The following CMIP variants were observed in gnomAD, a reference collection of about 807,000 sequenced individuals.
The protein encoded by CMIP is C-Maf-inducing protein.
In CMIP, 13 loss-of-function variants were observed where a neutral mutation model predicts 97.3. The observed-to-expected ratio is 0.13, with a 90% CI of 0.09 to 0.21. The LOEUF (loss-of-function observed/expected upper bound fraction) is 0.21. Ranked by LOEUF, CMIP falls within the 10% of genes least tolerant of loss-of-function variation. The pLI is 1.00. For synonymous variants in CMIP, 538 were observed against 436.3 expected, an observed-to-expected ratio of 1.23 and a Z score of -2.91; for missense variants, 847 against 1,024.9, an observed-to-expected ratio of 0.83 and a Z score of 2.37.
At chr16:81,592,975 C>G (rs917613268) in intron 1 of CMIP, among the ~76,000 whole-genome samples, 1 of 152,256 alleles carries the variant, frequency 6.6e-6, no homozygotes, top group African/African-American at 2.4e-5. Flanking sequence ...GGCACAGATG[C>G]CAAGGGCTGC....
intron 1 of CMIP, among the ~76,000 whole-genome samples, chr16:81,517,070 C>G (rs2089929676): frequency 6.6e-6 from 1 of 151,616 alleles, no homozygotes; most frequent in Non-Finnish European, 1.5e-5. Flanking sequence ...ACTGAAAAGC[C>G]AGACAGCCTT....
intron 1 of CMIP, among the ~76,000 whole-genome samples, chr16:81,459,038 A>G (rs9746731): frequency 0.59 from 88,069 of 149,524 alleles, 26,053 homozygotes; most frequent in East Asian, 0.74. Context: ...CACCATCACC[A>G]TCACCATCAC....
At chr16:81,541,802 G>A (rs1014536827) in intron 1 of CMIP, among the ~76,000 whole-genome samples, 4 of 152,156 alleles carry the variant, frequency 2.6e-5, no homozygotes, top group African/African-American at 9.7e-5. Flanking sequence ...TTGTCAATCA[G>A]GCATCAGGCA....
chr16:81,614,239 G>C lies in CMIP; in HGVS notation c.426+6547G>C, dbSNP rs895473262. On this transcript the variant is annotated intron_variant, in intron 2 of 20. Coordinates refer to ENST00000537098, the MANE Select transcript of CMIP (RefSeq NM_198390.3). This position sits in a 1 kb window ranked among gnomAD's most constrained non-coding sequence, Gnocchi z 5.3. ...CTGCATGGAAGCCAGTCTGAGAGCA[G>C]GGCAGGCCAGGTGCTGCCACAGTCA... is the stretch of plus-strand genomic sequence containing the variant. 1.3e-5 allele frequency among the ~76,000 whole-genome samples: 2 copies of C among 152,224 alleles called. No homozygotes were observed. Among genetic ancestry groups the C allele is most frequent in the Admixed American group, 1.3e-4 (2 of 15,288 alleles).
At chr16:81,489,268 G>A (rs1399441212) in intron 1 of CMIP, among the ~76,000 whole-genome samples, 1 of 152,178 alleles carries the variant, frequency 6.6e-6, no homozygotes, top group East Asian at 1.9e-4. Flanking sequence ...TTCTGGAGGA[G>A]GTGACTTCTA....
intron 3 of CMIP, among the ~76,000 whole-genome samples, chr16:81,636,757 C>T (rs1054181726): frequency 6.6e-6 from 1 of 152,044 alleles, no homozygotes; most frequent in African/African-American, 2.4e-5. Flanking sequence ...TGAAACATTG[C>T]AGATAAAGCT....
At chr16:81,681,441 C>T (rs1251436177) in intron 10 of CMIP, among the ~76,000 whole-genome samples, 1 of 152,204 alleles carries the variant, frequency 6.6e-6, no homozygotes, top group Non-Finnish European at 1.5e-5. Context: ...GACGGTTGGT[C>T]ATCCTCTCTG....
chr16:81,518,517 G>C (rs1275679989), intron 1 of CMIP: 1 of 152,384 alleles, frequency 6.6e-6, no homozygotes, highest in Non-Finnish European at 1.5e-5. Context: ...ACCAGCAAGG[G>C]AAGTGATGTA....
At chr16:81,617,006 C>A (rs75848019) in intron 2 of CMIP, 17,292 of 152,360 alleles carry the variant, frequency 0.11, 1,051 homozygotes, top group East Asian at 0.2. Flanking sequence ...TGGGCCGGAC[C>A]CAGTCTGGCA....
chr16:81,667,753 AGGG>A (rs1244468908), intron 7 of CMIP, among the ~76,000 whole-genome samples: 2 of 95,786 alleles, frequency 2.1e-5, no homozygotes. Context: ...GGAGGGAGGG[AGGG>A]AGGGAGAGAA....
At chr16:81,645,430 G>A (rs980739369) in intron 3 of CMIP, 22 of 1,499,822 alleles carry the variant, frequency 1.5e-5, no homozygotes, top group East Asian at 2.5e-5. Context: ...CTGGCGCGAC[G>A]TGCTTCCAGT....
chr16:81,585,219 G>A (rs781774408), intron 1 of CMIP, among the ~76,000 whole-genome samples: 1 of 152,194 alleles, frequency 6.6e-6, no homozygotes, highest in Non-Finnish European at 1.5e-5. Context: ...GTGGGCACCT[G>A]TAATCCCAGC....
intron 2 of CMIP, among the ~76,000 whole-genome samples, chr16:81,613,521 C>T (rs750384563): frequency 2.6e-5 from 4 of 152,208 alleles, no homozygotes; most frequent in Non-Finnish European, 4.4e-5. Flanking sequence ...CTCTGGGGCT[C>T]ATTTAATTTA....
chr16:81,510,253 A>G (rs940763224), intron 1 of CMIP, among the ~76,000 whole-genome samples: 3 of 152,148 alleles, frequency 2.0e-5, no homozygotes, highest in Non-Finnish European at 4.4e-5. Context: ...CAGGAGCTCC[A>G]CGGAGCAGGT....
chr16:81,450,785 A>G (rs1036030478), intron 1 of CMIP, among the ~76,000 whole-genome samples: 1 of 152,232 alleles, frequency 6.6e-6, no homozygotes, highest in Non-Finnish European at 1.5e-5. Context: ...TGAAATACTC[A>G]TGTATGCATC....
intron 1 of CMIP, among the ~76,000 whole-genome samples, chr16:81,510,900 A>G (rs1304809519): frequency 6.6e-6 from 1 of 152,074 alleles, no homozygotes. Flanking sequence ...TTATATTTTT[A>G]GTAGAGATGG....
intron 1 of CMIP, among the ~76,000 whole-genome samples, chr16:81,560,008 C>T (rs1334306432): frequency 6.6e-6 from 1 of 151,704 alleles, no homozygotes; most frequent in Non-Finnish European, 1.5e-5. Flanking sequence ...ATTAGCGGGG[C>T]ATAGTGGTGT....
At chr16:81,548,771 A>C (rs960580014) in intron 1 of CMIP, among the ~76,000 whole-genome samples, 2 of 151,972 alleles carry the variant, frequency 1.3e-5, no homozygotes, top group East Asian at 3.9e-4. Context: ...GCTTGAGGCC[A>C]TGAGTTCAAG....
intron 1 of CMIP, among the ~76,000 whole-genome samples, chr16:81,559,657 C>G (rs565248059): frequency 2.0e-5 from 3 of 152,300 alleles, no homozygotes; most frequent in African/African-American, 4.8e-5. Context: ...GTAAACCTCT[C>G]GCACTGCCAG....
Sources: gnomAD v4.1 joint callset for allele counts (sites outside exome capture counted in the v4.1 genomes callset) on GRCh38, gnomAD v4.1.1 for gene constraint, Gnocchi (gnomAD v3.1) non-coding constraint, MANE v1.5 for transcripts, NCBI Gene and HGNC (gene_info 2026-07-23, HGNC 2026-07-21) for gene names.